The following RBM20 variants were observed in gnomAD, a reference collection of about 807,000 sequenced individuals.
RBM20 encodes the protein RNA-binding protein 20.
In RBM20, 51 loss-of-function variants were observed where a neutral mutation model predicts 110.1. That is an observed-to-expected ratio of 0.46 (90% CI 0.37 to 0.59). The LOEUF (loss-of-function observed/expected upper bound fraction) is 0.59, where lower values mean the gene tolerates loss of function less well. Among genes scored for constraint, RBM20 ranks in the 20% least tolerant of loss-of-function variants. RBM20 has a pLI of 0.00. For synonymous variants in RBM20, 589 were observed against 618.2 expected (o/e 0.95, Z 0.70); for missense variants, 1,512 against 1,574.9 (o/e 0.96, Z 0.68).
At chr10:110,799,094 C>A (rs1303172529) in intron 6 of RBM20, among the ~76,000 whole-genome samples, 1 of 152,204 alleles carries the variant, frequency 6.6e-6, no homozygotes, top group Non-Finnish European at 1.5e-5. Context: ...GGCCTTCCTT[C>A]AAGCCTAGGG....
intron 1 of RBM20, among the ~76,000 whole-genome samples, chr10:110,767,162 G>A (rs1392809215): frequency 9.6e-6 from 1 of 104,412 alleles, no homozygotes; most frequent in African/African-American, 3.5e-5. Flanking sequence ...CGGGCGGGGG[G>A]CTGACCCCCC....
intron 1 of RBM20, among the ~76,000 whole-genome samples, chr10:110,657,450 T>C (rs1440614253): frequency 2.0e-5 from 3 of 152,228 alleles, no homozygotes; most frequent in African/African-American, 7.2e-5. Context: ...TTTGTATATC[T>C]TCTTTTGAGG....
Position 110,799,908 on chromosome 10 carries a change from T to C in RBM20, c.1790T>C (p.Leu597Ser). 6.4e-7 allele frequency: 1 copy of C among 1,551,994 alleles called. No homozygotes were observed. Among genetic ancestry groups the C allele is most frequent in the Non-Finnish European group, 8.7e-7 (1 of 1,147,020 alleles). Residue 597 changes from leucine to serine, a missense_variant, in exon 7 of 14, where the codon TTG (leucine) becomes TCG (serine). Leu to Ser is a moderately radical substitution (Grantham distance 145, BLOSUM62 -2). Coordinates refer to ENST00000369519, the MANE Select transcript of RBM20 (RefSeq NM_001134363.3). Reference sequence around the variant, plus strand: ...CGGATGTCCAAGAGATACAAGGAATTGCAGCTCAAGGTAAAGCATTATCTT... The same window carrying C: ...CGGATGTCCAAGAGATACAAGGAATCGCAGCTCAAGGTAAAGCATTATCTT... ...LIRMSKRYKE[L>S]QLKKPGKAVA...
intron 1 of RBM20, among the ~76,000 whole-genome samples, chr10:110,753,484 C>T (rs1357062243): frequency 6.6e-6 from 1 of 152,132 alleles, no homozygotes; most frequent in Non-Finnish European, 1.5e-5. Flanking sequence ...TTTTGTGTTT[C>T]CAGTCTTCCA....
chr10:110,776,690 T>A (rs1345247792), intron 1 of RBM20, among the ~76,000 whole-genome samples: 5 of 152,256 alleles, frequency 3.3e-5, no homozygotes, highest in Non-Finnish European at 5.9e-5. Context: ...GAAATTCAGA[T>A]AATCAAGATC....
chr10:110,835,339 CT>C (rs35808301), intron 13 of RBM20: 80,951 of 105,812 alleles, frequency 0.77, 29,655 homozygotes, highest in Non-Finnish European at 0.83. Context: ...TTTTTTTTTT[CT>C]TTTTTTTTTT....
intron 1 of RBM20, among the ~76,000 whole-genome samples, chr10:110,677,149 G>C (rs1862350042): frequency 6.6e-6 from 1 of 152,144 alleles, no homozygotes; most frequent in Non-Finnish European, 1.5e-5. Flanking sequence ...GGTATCACAT[G>C]GTGGAGGAGG....
intron 12 of RBM20, chr10:110,827,813 C>G (rs1845001023): frequency 6.6e-6 from 1 of 152,112 alleles, no homozygotes; most frequent in Non-Finnish European, 1.5e-5. Context: ...AACCCTTTAG[C>G]CTGCAGGACT....
At chr10:110,835,113 C>T (rs1845106982) in intron 13 of RBM20, 3 of 152,228 alleles carry the variant, frequency 2.0e-5, no homozygotes, top group Admixed American at 2.0e-4. Context: ...GGCCAGCGCT[C>T]ATTTACCCTG....
chr10:110,810,422 C>T lies in RBM20; in HGVS notation c.1840C>T (p.His614Tyr), dbSNP rs1402047497. The T allele has an allele frequency of 1.9e-6, 3 of 1,551,480 alleles. No homozygotes were observed. The highest frequency in any genetic ancestry group is 1.2e-5 in the South Asian group (1 of 84,052). The change falls in exon 8 of 14, where the codon CAT becomes TAT. Residue 614 changes from histidine to tyrosine, a missense_variant. By Grantham distance (83) the His-to-Tyr change is moderately conservative. Transcript: ENST00000369519. ...KAVAAIIQDIHSQRERDMFRE... is the reference protein window; with the variant it reads ...KAVAAIIQDIYSQRERDMFRE... ...CGTGGCTGCCATCATCCAGGACATC[C>T]ATTCCCAGAGGGAGAGGGACATGTT...
intron 1 of RBM20, among the ~76,000 whole-genome samples, chr10:110,659,198 T>A (rs1314328058): frequency 1.3e-5 from 2 of 152,206 alleles, no homozygotes; most frequent in African/African-American, 4.8e-5. Flanking sequence ...TTTCTCCAGC[T>A]TATGTTTTAT....
chr10:110,822,008 G>C, intron 11 of RBM20, 73 bp downstream of exon 11: 1 of 1,399,918 alleles, frequency 7.1e-7, no homozygotes, highest in South Asian at 1.2e-5. Context: ...GTATGAGCAT[G>C]TGCAGGCTGG....
Position 110,812,480 on chromosome 10 carries a change from G to A in RBM20, c.2083G>A (p.Asp695Asn). 6.4e-7 allele frequency: 1 copy of A among 1,551,700 alleles called. No homozygotes were observed. Among genetic ancestry groups the A allele is most frequent in the Non-Finnish European group, 8.7e-7 (1 of 1,146,986 alleles). Residue 695 changes from aspartate to asparagine, a missense_variant, in exon 9 of 14, where the codon GAC becomes AAC. Around this residue, in one of 3 missense-constraint regions of RBM20, gnomAD observed 1,149 missense variants for 1,169.4 expected, o/e 0.98. Transcript: ENST00000369519. ...AGAGCGAGACCCGGCTCCCTGGAGG[G>A]ACAACGGAGATGACAAGAGGGACAG... ...EEERDPAPWR[D>N]NGDDKRDRMD...
intron 1 of RBM20, among the ~76,000 whole-genome samples, chr10:110,688,025 G>A (rs985609083): frequency 7.1e-6 from 1 of 140,290 alleles, no homozygotes; most frequent in African/African-American, 2.6e-5. Context: ...GTGTGTGTGT[G>A]TGTGTGTGTG....
chr10:110,689,095 A>C (rs1862548120), intron 1 of RBM20, among the ~76,000 whole-genome samples: 1 of 152,200 alleles, frequency 6.6e-6, no homozygotes, highest in Non-Finnish European at 1.5e-5. Context: ...AATAATATAG[A>C]AGGACCCTGT....
intron 1 of RBM20, among the ~76,000 whole-genome samples, chr10:110,727,143 CTTTTTTTTTTTT>C (rs57606079): frequency 1.4e-4 from 11 of 80,656 alleles, no homozygotes; most frequent in Non-Finnish European, 6.9e-5. Flanking sequence ...TGCACCCAGC[CTTTTTTTTTTTT>C]TTTTTTTTTT....
intron 1 of RBM20, among the ~76,000 whole-genome samples, chr10:110,734,896 C>A (rs1843654876): frequency 6.6e-6 from 1 of 152,108 alleles, no homozygotes; most frequent in African/African-American, 2.4e-5. Context: ...ATAAACAATT[C>A]CTAAATTTTA....
chr10:110,786,717 C>T (rs1844423465), intron 5 of RBM20, among the ~76,000 whole-genome samples: 1 of 152,206 alleles, frequency 6.6e-6, no homozygotes. Flanking sequence ...GACCTTGTGT[C>T]CTGATGGGGG....
chr10:110,804,472 C>T (rs968296079), intron 7 of RBM20, among the ~76,000 whole-genome samples: 2 of 152,166 alleles, frequency 1.3e-5, no homozygotes, highest in Non-Finnish European at 2.9e-5. Context: ...CTTTTGCTCA[C>T]CAGGTAAAGT....
Sources: gnomAD v4.1 joint callset for allele counts (sites outside exome capture counted in the v4.1 genomes callset) on GRCh38, gnomAD v4.1.1 for gene constraint, gnomAD v4.1.1 regional missense constraint, MANE v1.5 for transcripts, NCBI Gene and HGNC (gene_info 2026-07-23, HGNC 2026-07-21) for gene names.